FRMD5: variants seen among roughly 807,000 people sequenced by gnomAD.
FRMD5 encodes the protein FERM domain containing 5.
FRMD5 carries 20 observed loss-of-function variants against 69.0 expected under a neutral mutation model. That is an observed-to-expected ratio of 0.29 (90% CI 0.20 to 0.42). The LOEUF (loss-of-function observed/expected upper bound fraction) is 0.42. Among genes scored for constraint, FRMD5 ranks in the 10% least tolerant of loss-of-function variants. FRMD5 has a pLI of 1.00. For missense variants in FRMD5, 595 were observed against 708.6 expected (o/e 0.84, Z 1.82); for synonymous variants, 271 against 260.1 (o/e 1.04, Z -0.40).
At chr15:44,084,018 A>G (rs1408069971) in intron 1 of FRMD5, among the ~76,000 whole-genome samples, 1 of 152,030 alleles carries the variant, frequency 6.6e-6, no homozygotes, top group Admixed American at 6.6e-5. Context: ...CATCCAGTAA[A>G]TTATTTTTAT....
chr15:44,083,518 T>C (rs994477372), intron 1 of FRMD5, among the ~76,000 whole-genome samples: 4 of 152,020 alleles, frequency 2.6e-5, no homozygotes, highest in Admixed American at 2.6e-4. Context: ...CTGGCTGATA[T>C]ACACCTAGCC....
chr15:43,999,735 T>C (rs1428387066), intron 1 of FRMD5, among the ~76,000 whole-genome samples: 1 of 151,936 alleles, frequency 6.6e-6, no homozygotes, highest in Non-Finnish European at 1.5e-5. Flanking sequence ...TGCATTCATG[T>C]TGTCACAAAT....
chr15:43,987,619 G>T (rs1889458997), intron 1 of FRMD5, among the ~76,000 whole-genome samples: 1 of 152,016 alleles, frequency 6.6e-6, no homozygotes, highest in South Asian at 2.1e-4. Flanking sequence ...GTGTGATCTT[G>T]GCTCACTGTA....
intron 1 of FRMD5, among the ~76,000 whole-genome samples, chr15:44,154,309 T>C (rs1210412172): frequency 1.3e-5 from 2 of 150,686 alleles, no homozygotes; most frequent in Admixed American, 1.3e-4. Context: ...TGAGAGTGAG[T>C]CTCAAAATAC....
At chr15:44,187,803 G>A (rs1319840820) in intron 1 of FRMD5, among the ~76,000 whole-genome samples, 9 of 152,002 alleles carry the variant, frequency 5.9e-5, no homozygotes, top group Admixed American at 5.2e-4. Context: ...TCCTGGCCTC[G>A]AGGGATCCTC....
At chr15:44,129,514 G>C (rs2077069299) in intron 1 of FRMD5, among the ~76,000 whole-genome samples, 1 of 152,082 alleles carries the variant, frequency 6.6e-6, no homozygotes, top group Non-Finnish European at 1.5e-5. Context: ...CTATATCTCA[G>C]AGGCACTTTT....
intron 5 of FRMD5, among the ~76,000 whole-genome samples, chr15:43,906,750 T>C (rs575716191): frequency 0.15 from 18,702 of 123,352 alleles, 4,211 homozygotes; most frequent in African/African-American, 0.54. Context: ...TACAGGCGCC[T>C]GCCACCTCGC....
intron 3 of FRMD5, 45 bp downstream of exon 3, chr15:43,919,722 C>A (rs200941496): frequency 1.7e-5 from 27 of 1,590,126 alleles, no homozygotes; most frequent in Middle Eastern, 3.3e-4. Context: ...TTCGTCCCAC[C>A]CTCCCCAGGG....
chr15:44,036,695 G>GTA (rs1891928605), intron 1 of FRMD5, among the ~76,000 whole-genome samples: 2 of 152,152 alleles, frequency 1.3e-5, no homozygotes, highest in African/African-American at 4.8e-5. Flanking sequence ...AGATTCTCTT[G>GTA]GATTTTTCTA....
chr15:44,038,162 T>A (rs1004579238), intron 1 of FRMD5, among the ~76,000 whole-genome samples: 1 of 152,160 alleles, frequency 6.6e-6, no homozygotes, highest in Non-Finnish European at 1.5e-5. Context: ...TATTGTAAAT[T>A]TAAGTTCTTT....
intron 1 of FRMD5, among the ~76,000 whole-genome samples, chr15:44,169,309 C>T (rs1027017710): frequency 1.2e-4 from 18 of 152,144 alleles, no homozygotes; most frequent in Middle Eastern, 3.4e-3. Context: ...CTAGATTCTC[C>T]GCCATTCCTC....
intron 1 of FRMD5, among the ~76,000 whole-genome samples, chr15:44,030,920 A>G (rs1284170896): frequency 1.3e-5 from 2 of 152,022 alleles, no homozygotes; most frequent in Non-Finnish European, 2.9e-5. Context: ...TCTATTCTCT[A>G]TTAAAACAAC....
At chr15:43,946,451 C>A (rs992327036) in intron 1 of FRMD5, among the ~76,000 whole-genome samples, 1 of 152,188 alleles carries the variant, frequency 6.6e-6, no homozygotes, top group African/African-American at 2.4e-5. Context: ...TTTATTTACA[C>A]ACATTATTTC....
chr15:44,131,094 C>G (rs1476944063), intron 1 of FRMD5, among the ~76,000 whole-genome samples: 1 of 152,066 alleles, frequency 6.6e-6, no homozygotes, highest in Non-Finnish European at 1.5e-5. Flanking sequence ...ACTGTGCTGC[C>G]AAGGTTAGTG....
At chr15:43,987,915 G>A (rs1031819365) in intron 1 of FRMD5, among the ~76,000 whole-genome samples, 2 of 152,114 alleles carry the variant, frequency 1.3e-5, no homozygotes, top group East Asian at 3.8e-4. Context: ...ATCAGTGGGA[G>A]CCCTGAGCTG....
intron 13 of FRMD5, chr15:43,875,985 C>T: frequency 3.6e-6 from 5 of 1,400,664 alleles, no homozygotes; most frequent in Non-Finnish European, 4.1e-6. Context: ...CATGGACCCT[C>T]TGGTCATCCA....
chr15:43,918,847 A>G (rs1315232008), intron 4 of FRMD5: 2 of 157,446 alleles, frequency 1.3e-5, no homozygotes, highest in Admixed American at 1.2e-4. Context: ...TCACTCACTG[A>G]CCCTCTTTTA....
At chr15:43,885,631 A>C (rs1014273066) in intron 11 of FRMD5, 50 bp downstream of exon 11, 9 of 1,488,522 alleles carry the variant, frequency 6.0e-6, no homozygotes, top group Non-Finnish European at 6.6e-6. Flanking sequence ...AGTTCTCCAG[A>C]GAAGGGTCTG....
chr15:44,158,653 A>T (rs1227086604), intron 1 of FRMD5, among the ~76,000 whole-genome samples: 1 of 152,208 alleles, frequency 6.6e-6, no homozygotes, highest in Non-Finnish European at 1.5e-5. Flanking sequence ...AGCAGCCCTC[A>T]AAAACAAATT....
Sources: allele counts gnomAD v4.1 joint callset (sites outside exome capture counted in the v4.1 genomes callset), GRCh38; gene constraint gnomAD v4.1.1; transcripts MANE v1.5; gene names NCBI Gene and HGNC (gene_info 2026-07-23, HGNC 2026-07-21).